NHSL1: variants seen among roughly 807,000 people sequenced by gnomAD.
NHSL1 encodes the protein NHS-like protein 1.
In NHSL1, 48 loss-of-function variants were observed where a neutral mutation model predicts 95.0. The ratio of observed to expected loss-of-function variants is 0.51; its 90% CI spans 0.40 to 0.64. The LOEUF is 0.64. NHSL1 is among the 30% of genes least tolerant of loss of function. The pLI is 0.00. For missense variants in NHSL1, 1,971 were observed against 2,077.7 expected (o/e 0.95, Z 1.00); for synonymous variants, 783 against 833.9 (o/e 0.94, Z 1.05).
At chr6:138,580,110 C>T (rs1334569467) in intron 1 of NHSL1, among the ~76,000 whole-genome samples, 3 of 152,114 alleles carry the variant, frequency 2.0e-5, no homozygotes, top group African/African-American at 7.2e-5. Context: ...AGGAAAGAGA[C>T]AGAAATGCAA....
chr6:138,691,729 C>A, intron 1 of NHSL1: 1 of 348,486 alleles, frequency 2.9e-6, no homozygotes, highest in South Asian at 2.2e-5. Context: ...TCACCGGAGC[C>A]AGTTAAGCTG....
At chr6:138,509,691 T>G (rs1427114408) in intron 1 of NHSL1, among the ~76,000 whole-genome samples, 1 of 152,216 alleles carries the variant, frequency 6.6e-6, no homozygotes, top group Non-Finnish European at 1.5e-5. Flanking sequence ...TATCCTTGTC[T>G]TCCTTCACCA....
intron 1 of NHSL1, among the ~76,000 whole-genome samples, chr6:138,554,094 T>C (rs1289941198): frequency 1.3e-5 from 2 of 152,240 alleles, no homozygotes; most frequent in African/African-American, 2.4e-5. Context: ...AACTGTATTA[T>C]AGGAGAGAAA....
At chr6:138,496,395 A>C (rs753384387) in intron 1 of NHSL1, 24 bp from the exon 2 acceptor site, 1 of 1,549,290 alleles carries the variant, frequency 6.5e-7, no homozygotes, top group African/African-American at 1.4e-5. Context: ...GATAGAATAC[A>C]TTCAGGTGTC....
intron 1 of NHSL1, among the ~76,000 whole-genome samples, chr6:138,684,596 G>A (rs936999034): frequency 7.2e-5 from 11 of 151,946 alleles, no homozygotes; most frequent in Non-Finnish European, 1.6e-4. Flanking sequence ...AGTGAGCCAA[G>A]ATCGCGCCAC....
At chr6:138,519,471 ATATCT>A (rs1781588090) in intron 1 of NHSL1, among the ~76,000 whole-genome samples, 1 of 152,192 alleles carries the variant, frequency 6.6e-6, no homozygotes, top group African/African-American at 2.4e-5. Context: ...AACCAGAGAA[ATATCT>A]TAGATGAAGA....
At chr6:138,479,248 T>C (rs979036837) in intron 2 of NHSL1, among the ~76,000 whole-genome samples, 2 of 152,234 alleles carry the variant, frequency 1.3e-5, no homozygotes, top group African/African-American at 4.8e-5. Flanking sequence ...ATTTTTACCA[T>C]GGATCTTAGC....
At chr6:138,559,622 A>G (rs944977881) in intron 1 of NHSL1, among the ~76,000 whole-genome samples, 1 of 152,164 alleles carries the variant, frequency 6.6e-6, no homozygotes, top group East Asian at 1.9e-4. Flanking sequence ...TGGACTATCT[A>G]CAGAAATTCC....
At chr6:138,651,266 C>T (rs1029893841) in intron 1 of NHSL1, among the ~76,000 whole-genome samples, 14 of 152,108 alleles carry the variant, frequency 9.2e-5, no homozygotes, top group Non-Finnish European at 2.1e-4. Flanking sequence ...AAAGCAAAAA[C>T]GTTAAGGAAC....
At chr6:138,546,965 G>A (rs1042764047), upstream of NHSL1, among the ~76,000 whole-genome samples, 21 of 152,154 alleles carry the variant, frequency 1.4e-4, no homozygotes, top group Non-Finnish European at 2.1e-4. Context: ...AAGTGGCCCC[G>A]TGGTCCTTCC....
rs1183397890 is a variant in NHSL1 at position 138,432,720 on chromosome 6, G to A, written c.1625C>T (p.Ser542Leu). ...CGAGCTGCTGTGCCCTCCGCCCCCT[G>A]AATAACTAGATTCACTCTTGCCATC... ...DVDGKSESSY[S>L]GGGGHSSSEP... Residue 542 changes from serine (S) to leucine (L), a missense_variant, in exon 6 of 8, where the codon TCA becomes TTA. Physicochemically the swap from Ser to Leu is moderately radical, Grantham distance 145 (BLOSUM62 -2). Transcript: ENST00000343505. The surrounding 1 kb of genome is among the most constrained non-coding windows in gnomAD (Gnocchi z 4.4). The A allele has an allele frequency of 3.2e-6, 5 of 1,551,474 alleles. No individual in the cohort carries two copies. Among genetic ancestry groups the A allele is most frequent in the East Asian group, 2.4e-5 (1 of 40,922 alleles).
chr6:138,477,972 G>A (rs1274811044), intron 2 of NHSL1, among the ~76,000 whole-genome samples: 1 of 137,664 alleles, frequency 7.3e-6, no homozygotes, highest in African/African-American at 2.7e-5. Context: ...GCCCAGTTTA[G>A]AAGACAATGC....
intron 4 of NHSL1, 21 bp downstream of exon 4, chr6:138,446,980 T>A: frequency 1.3e-6 from 2 of 1,550,754 alleles, no homozygotes; most frequent in Non-Finnish European, 1.7e-6. Context: ...ATTCTGAACC[T>A]GTCTGGCTAG....
At chr6:138,688,600 G>A (rs528403205) in intron 1 of NHSL1, among the ~76,000 whole-genome samples, 55 of 152,138 alleles carry the variant, frequency 3.6e-4, no homozygotes, top group African/African-American at 1.3e-3. Flanking sequence ...CTGAGATCAC[G>A]CCACTGCACT....
intron 3 of NHSL1, 91 bp downstream of exon 3, chr6:138,473,215 G>T: frequency 3.6e-6 from 4 of 1,114,056 alleles, no homozygotes; most frequent in Non-Finnish European, 4.7e-6. Context: ...TAAAATACAG[G>T]CTCAATTTTG....
chr6:138,495,300 T>C (rs1780285651), intron 2 of NHSL1, among the ~76,000 whole-genome samples: 1 of 152,162 alleles, frequency 6.6e-6, no homozygotes, highest in African/African-American at 2.4e-5. Context: ...AAACTAGATA[T>C]AGGAATACAT....
chr6:138,690,781 G>A (rs921652008), intron 1 of NHSL1, among the ~76,000 whole-genome samples: 1 of 152,168 alleles, frequency 6.6e-6, no homozygotes, highest in Non-Finnish European at 1.5e-5. Flanking sequence ...TTTGAAAAGA[G>A]TTATTTCAGT....
chr6:138,467,186 G>GCT (rs1778438918), intron 3 of NHSL1, among the ~76,000 whole-genome samples: 1 of 150,914 alleles, frequency 6.6e-6, no homozygotes, highest in Non-Finnish European at 1.5e-5. Context: ...ACGGAATCTC[G>GCT]CTGTCGCCCA....
rs182429944 is a variant in NHSL1, at chr6:138,602,882, G to A, written c.96+89594C>T. ...GCATTAAGAATCCATGCCTTCAAGG[G>A]ACTGTGGTGTTGTGACAAATTAAAA... On this transcript the variant is annotated intron_variant, in intron 1 of 3. Transcript: ENST00000491526. Among the ~76,000 whole-genome samples, 15 of 152,312 alleles carry A rather than the reference G, an allele frequency of 9.8e-5. No individual in the cohort carries two copies. In the East Asian group the frequency reaches 2.9e-3, roughly 29 times the overall value.
Sources: gnomAD v4.1 joint callset for allele counts (sites outside exome capture counted in the v4.1 genomes callset) on GRCh38, gnomAD v4.1.1 for gene constraint, Gnocchi (gnomAD v3.1) non-coding constraint, MANE v1.5 for transcripts, NCBI Gene and HGNC (gene_info 2026-07-23, HGNC 2026-07-21) for gene names.